The following STK33 variants were observed in gnomAD, a reference collection of about 807,000 sequenced individuals.
The protein encoded by STK33 is serine/threonine kinase 33.
A neutral mutation model predicts 58.0 loss-of-function variants in STK33; 52 were observed. The observed-to-expected ratio is 0.90, with a 90% CI of 0.72 to 1.13. The LOEUF (loss-of-function observed/expected upper bound fraction) is 1.13, where lower values mean the gene tolerates loss of function less well. STK33 is among the 50% of genes most tolerant of loss of function. The pLI, the probability that STK33 is intolerant of heterozygous loss-of-function variation, is 0.00. For missense variants in STK33, 630 were observed against 604.2 expected, an observed-to-expected ratio of 1.04 and a Z score of -0.45; for synonymous variants, 215 against 200.1, an observed-to-expected ratio of 1.07 and a Z score of -0.63.
At chr11:8,555,337 T>C (rs1022703408) in intron 1 of STK33, among the ~76,000 whole-genome samples, 3 of 152,094 alleles carry the variant, frequency 2.0e-5, no homozygotes, top group Admixed American at 1.3e-4. Flanking sequence ...AGGGTGACTA[T>C]AGTCAGTAAT....
At chr11:8,442,030 T>TACACACACACAC (rs55646106) in intron 11 of STK33, among the ~76,000 whole-genome samples, 25 of 143,428 alleles carry the variant, frequency 1.7e-4, no homozygotes, top group African/African-American at 4.9e-4. Flanking sequence ...TACCTACACC[T>TACACACACACAC]ACACACACAC....
chr11:8,572,453 T>C (rs1323058751), intron 1 of STK33, among the ~76,000 whole-genome samples: 1 of 152,152 alleles, frequency 6.6e-6, no homozygotes, highest in Non-Finnish European at 1.5e-5. Context: ...TTAATGGGCA[T>C]ATAAAATCTG....
At chr11:8,487,869 T>C (rs1362800587) in intron 1 of STK33, among the ~76,000 whole-genome samples, 2 of 152,204 alleles carry the variant, frequency 1.3e-5, no homozygotes, top group Admixed American at 1.3e-4. Context: ...ACTAAAGGCT[T>C]GCAGTAACCC....
At chr11:8,410,800 A>T (rs1413214198) in intron 15 of STK33, among the ~76,000 whole-genome samples, 6 of 152,134 alleles carry the variant, frequency 3.9e-5, no homozygotes, top group Non-Finnish European at 8.8e-5. Context: ...CATTAAACAA[A>T]TTCATTCAAG....
chr11:8,370,015 G>A, the STK33 span, among the ~76,000 whole-genome samples: 3 of 152,204 alleles, frequency 2.0e-5, no homozygotes, highest in African/African-American at 7.2e-5. Flanking sequence ...AGGCCCTTCC[G>A]TGTTAACAAC....
Position 8,491,020 on chromosome 11 carries a change from C to A in STK33, c.-465-10406G>T, listed in dbSNP as rs183779429. Among the ~76,000 whole-genome samples, 670 of 152,232 alleles carry A rather than the reference C, an allele frequency of 4.4e-3. 1 individual carries two copies. The highest frequency in any genetic ancestry group is 7.2e-3 in the Non-Finnish European group (492 of 68,014). ...TAGAAAAGCTGAAAATTCTAAAAAC[C>A]AGAGCACCTCTTCTCCTCCAAAGGA... On this transcript the variant is annotated intron_variant, in intron 1 of 15. Transcript: ENST00000687296.
chr11:8,375,691 TAGTG>T, the STK33 span, among the ~76,000 whole-genome samples: 69 of 152,226 alleles, frequency 4.5e-4, no homozygotes, highest in African/African-American at 1.6e-3. Context: ...GTTTTCATGA[TAGTG>T]AGTTCTTACG....
At chr11:8,510,632 C>T (rs749478913) in intron 1 of STK33, among the ~76,000 whole-genome samples, 5 of 152,034 alleles carry the variant, frequency 3.3e-5, no homozygotes, top group African/African-American at 4.8e-5. Context: ...TTTATAGTTT[C>T]AAGTCTTAGA....
At chr11:8,364,346 C>T in the STK33 span, among the ~76,000 whole-genome samples, 1 of 152,294 alleles carries the variant, frequency 6.6e-6, no homozygotes, top group South Asian at 2.1e-4. Context: ...TTCCTTCTTT[C>T]AGTTGGAGAT....
At chr11:8,453,720 C>T (rs1946544064) in intron 10 of STK33, among the ~76,000 whole-genome samples, 1 of 152,188 alleles carries the variant, frequency 6.6e-6, no homozygotes, top group Non-Finnish European at 1.5e-5. Flanking sequence ...CAAATATAGG[C>T]TCTTTGTCCA....
the STK33 span, among the ~76,000 whole-genome samples, chr11:8,352,233 A>AC: frequency 6.6e-6 from 1 of 151,928 alleles, no homozygotes; most frequent in South Asian, 2.1e-4. Context: ...TAGCAGGATG[A>AC]CCCCCCAGGT....
chr11:8,367,074 CAA>C, the STK33 span, among the ~76,000 whole-genome samples: 6 of 152,200 alleles, frequency 3.9e-5, no homozygotes, highest in East Asian at 5.8e-4. Flanking sequence ...TGTGCATATA[CAA>C]AGAGTTTATG....
chr11:8,467,584 T>C (rs1260891780), intron 6 of STK33: 3 of 152,336 alleles, frequency 2.0e-5, no homozygotes, highest in African/African-American at 7.2e-5. Context: ...AGCTCCAAAC[T>C]GTCCCACATT....
intron 11 of STK33, among the ~76,000 whole-genome samples, chr11:8,449,077 A>T (rs554898962): frequency 3.4e-4 from 52 of 151,836 alleles, no homozygotes; most frequent in African/African-American, 1.0e-3. Context: ...TCAAAACCAC[A>T]ATGAGATACC....
intron 1 of STK33, among the ~76,000 whole-genome samples, chr11:8,513,322 T>G (rs1952492542): frequency 1.3e-5 from 2 of 152,200 alleles, no homozygotes; most frequent in South Asian, 4.1e-4. Flanking sequence ...GAATCCCTTA[T>G]GCTTGTGTGT....
Position 8,397,201 on chromosome 11 carries a change from G to C in STK33, c.1345-4491C>G, listed in dbSNP as rs1476109182. 9.2e-5 allele frequency among the ~76,000 whole-genome samples: 14 copies of C among 152,366 alleles called. No homozygotes were observed. The East Asian group carries it at 2.7e-3, about 29-fold the overall frequency. ...CCTGACCCCTGAGTAGCCTAACTGG[G>C]AGGCACCCCCAAGTAGGGGCAGACT... is the stretch of plus-strand genomic sequence containing the variant. On this transcript the variant is annotated intron_variant, in intron 15 of 15. Transcript: ENST00000687296.
chr11:8,520,082 C>T (rs567426725), intron 1 of STK33, among the ~76,000 whole-genome samples: 60 of 152,118 alleles, frequency 3.9e-4, no homozygotes, highest in Non-Finnish European at 6.8e-4. Context: ...AACATCGATG[C>T]TAAAATCCTC....
Position 8,421,119 on chromosome 11 carries a change from T to A in STK33, c.1147-7427A>T, listed in dbSNP as rs376721700. ...CTTATCAGCTTTCCTTCTGGTGTTG[T>A]TTTATTAACAAGAGTTCTTAACATA... On this transcript the variant is annotated intron_variant, in intron 14 of 15. Coordinates refer to ENST00000687296, the MANE Select transcript of STK33 (RefSeq NM_001352389.2). Among the ~76,000 whole-genome samples, 40 of 152,348 alleles carry A rather than the reference T, an allele frequency of 2.6e-4. No individual in the cohort carries two copies. In the East Asian group the frequency reaches 6.9e-3, roughly 26 times the overall value.
intron 1 of STK33, among the ~76,000 whole-genome samples, chr11:8,481,219 T>G (rs970503067): frequency 6.6e-6 from 1 of 152,218 alleles, no homozygotes; most frequent in Non-Finnish European, 1.5e-5. Flanking sequence ...TTTCCCCTTA[T>G]AGCCAGACCT....
Sources: gnomAD v4.1 joint callset for allele counts (sites outside exome capture counted in the v4.1 genomes callset) on GRCh38, gnomAD v4.1.1 for gene constraint, MANE v1.5 for transcripts, NCBI Gene and HGNC (gene_info 2026-07-23, HGNC 2026-07-21) for gene names.